The following IQUB variants were observed in gnomAD, a reference collection of about 807,000 sequenced individuals.
The protein encoded by IQUB is IQ motif and ubiquitin-like domain-containing protein.
Under a neutral mutation model 86.4 loss-of-function variants are expected in IQUB, and 86 were observed. The ratio of observed to expected loss-of-function variants is 1.00; its 90% CI spans 0.84 to 1.19. IQUB has a LOEUF of 1.19. IQUB is among the 50% of genes most tolerant of loss of function. The pLI is 0.00. For synonymous variants in IQUB, 289 were observed against 304.5 expected (o/e 0.95, Z 0.53); for missense variants, 946 against 916.9 (o/e 1.03, Z -0.41).
chr7:123,469,105 T>G, intron 9 of IQUB, 109 bp downstream of exon 9: 1 of 784,794 alleles, frequency 1.3e-6, no homozygotes, highest in East Asian at 2.9e-5. Flanking sequence ...CTTCCCAAAT[T>G]ATACCAAAAC....
At chr7:123,469,066 T>C in intron 9 of IQUB, 148 bp downstream of exon 9, 1 of 471,218 alleles carries the variant, frequency 2.1e-6, no homozygotes, top group African/African-American at 2.0e-5. Flanking sequence ...TGAGAACTTT[T>C]AGGTAAATAT....
At position 123,512,318 on chromosome 7, in the gene IQUB, T is replaced by C; in HGVS notation, c.23A>G (p.Tyr8Cys). The C allele has an allele frequency of 6.3e-7, 1 of 1,575,556 alleles. No homozygotes were observed. The highest frequency in any genetic ancestry group is 1.3e-5 in the African/African-American group (1 of 74,090). The change falls in exon 2 of 13, where the codon TAT (tyrosine) becomes TGT (cysteine). Residue 8 changes from tyrosine (Y) to cysteine (C), a missense_variant. Physicochemically the swap from Tyr to Cys is radical, Grantham distance 194 (BLOSUM62 -2). Coordinates refer to ENST00000324698, the MANE Select transcript of IQUB (RefSeq NM_178827.5). MSNQQEK[Y>C]EAQNIVNSTE... is the part of the protein sequence containing the mutation. ...TGAATTGACTATATTCTGAGCTTCA[T>C]ACTTCTCCTGTTGATTAGACATTTT...
chr7:123,467,823 C>T (rs933195597), intron 9 of IQUB, among the ~76,000 whole-genome samples: 1 of 152,176 alleles, frequency 6.6e-6, no homozygotes, highest in Non-Finnish European at 1.5e-5. Flanking sequence ...ATGTTTGCTT[C>T]CTGCCCCTGT....
chr7:123,522,028 C>T lies in IQUB; in HGVS notation c.-4-9684G>A, dbSNP rs141885243. ...ACAACTTCTTGTTGAAAGAAGCAAT[C>T]GGCCATGGGTCTTGAGTGTCCCTAC... On this transcript the variant is annotated intron_variant, in intron 1 of 12. Transcript: ENST00000324698. 3.3e-5 allele frequency among the ~76,000 whole-genome samples: 5 copies of T among 152,204 alleles called. No individual in the cohort carries two copies. The East Asian group carries it at 5.8e-4, about 18-fold the overall frequency.
intron 3 of IQUB, among the ~76,000 whole-genome samples, chr7:123,504,024 G>A (rs1284201897): frequency 6.6e-6 from 1 of 152,048 alleles, no homozygotes; most frequent in Non-Finnish European, 1.5e-5. Flanking sequence ...AAAACGCAAT[G>A]TGTTAACTGT....
intron 3 of IQUB, among the ~76,000 whole-genome samples, chr7:123,508,320 G>T (rs1430518388): frequency 6.6e-6 from 1 of 152,156 alleles, no homozygotes; most frequent in East Asian, 1.9e-4. Context: ...ATTAATTTTG[G>T]ATTTTTTGCC....
At chr7:123,533,069 G>C (rs1234692447) in intron 1 of IQUB, 1 of 152,206 alleles carries the variant, frequency 6.6e-6, no homozygotes, top group South Asian at 2.1e-4. Flanking sequence ...GACTCCCCCA[G>C]TCCTGCCGCC....
intron 10 of IQUB, 51 bp downstream of exon 10, chr7:123,464,782 T>C: frequency 2.4e-6 from 3 of 1,266,736 alleles, no homozygotes; most frequent in Non-Finnish European, 3.2e-6. Flanking sequence ...CAATTTACTA[T>C]ACCACATCTT....
chr7:123,457,666 GAATT>G, intron 11 of IQUB, 100 bp from the exon 12 acceptor site: 1 of 901,774 alleles, frequency 1.1e-6, no homozygotes, highest in Non-Finnish European at 1.7e-6. Flanking sequence ...ATTTTTAAGT[GAATT>G]ATTATTCACT....
chr7:123,476,698 A>C (rs1191434382), intron 8 of IQUB, among the ~76,000 whole-genome samples: 2 of 151,464 alleles, frequency 1.3e-5, no homozygotes, highest in Non-Finnish European at 2.9e-5. Context: ...GGTCGAGCTC[A>C]TGCATACAAG....
intron 10 of IQUB, among the ~76,000 whole-genome samples, chr7:123,463,853 C>T (rs560852983): frequency 5.3e-5 from 8 of 151,666 alleles, no homozygotes; most frequent in African/African-American, 1.7e-4. Context: ...CAAATATAAA[C>T]TGAATAAGTC....
intron 8 of IQUB, among the ~76,000 whole-genome samples, chr7:123,471,385 G>T (rs1225507940): frequency 6.6e-6 from 1 of 152,126 alleles, no homozygotes; most frequent in Non-Finnish European, 1.5e-5. Context: ...TTAAAGGCTA[G>T]GGCTAAGTTT....
In IQUB at chr7:123,452,788, T is replaced by G. The variant is rs1450392294; in HGVS notation, c.2331A>C (p.Ser777=). The G allele has an allele frequency of 6.2e-7, 1 of 1,613,630 alleles. No individual in the cohort carries two copies. Among genetic ancestry groups the G allele is most frequent in the East Asian group, 2.2e-5 (1 of 44,862 alleles). The change falls in exon 13 of 13, where the codon TCA becomes TCC. Residue 777 remains serine (S), a synonymous_variant. Transcript: ENST00000324698. Reference sequence around the variant, plus strand: ...ATTCTATAATCTTAGGTGTTGTGTCTGAGTGATACTTCCATCTGATCTCAT... The same window carrying G: ...ATTCTATAATCTTAGGTGTTGTGTCGGAGTGATACTTCCATCTGATCTCAT... ...EIDEIRWKYH[S]DTTPKIIESQ...
At position 123,503,190 on chromosome 7, in the gene IQUB, C is replaced by A. The variant is rs763289501; in HGVS notation, c.694+12G>T. On this transcript the variant is annotated intron_variant, in intron 4 of 12. Transcript: ENST00000324698. ...CAAAAATACTTTATCTAAAAGACAT[C>A]AAATAACGAACCAGTTTGGACAGTG... 1.1e-4 allele frequency: 179 copies of A among 1,608,446 alleles called. No homozygotes were observed. In the East Asian group the frequency reaches 3.9e-3, roughly 35 times the overall value.
At chr7:123,471,631 T>TC (rs1398711855) in intron 8 of IQUB, among the ~76,000 whole-genome samples, 9 of 145,326 alleles carry the variant, frequency 6.2e-5, no homozygotes, top group African/African-American at 1.0e-4. Context: ...TAACTCTGTT[T>TC]TCCCCCCCAA....
At chr7:123,528,923 A>C (rs182151436) in intron 1 of IQUB, among the ~76,000 whole-genome samples, 407 of 152,314 alleles carry the variant, frequency 2.7e-3, no homozygotes, top group African/African-American at 9.3e-3. Flanking sequence ...ATATGTGTAA[A>C]CTCTCACTGC....
At chr7:123,527,691 T>C (rs1313174029) in intron 1 of IQUB, among the ~76,000 whole-genome samples, 1 of 152,168 alleles carries the variant, frequency 6.6e-6, no homozygotes, top group East Asian at 1.9e-4. Flanking sequence ...TCCAGCTGCG[T>C]GCTGGGAGAA....
chr7:123,524,760 G>T (rs1438033175), intron 1 of IQUB, among the ~76,000 whole-genome samples: 2 of 147,950 alleles, frequency 1.4e-5, no homozygotes, highest in East Asian at 2.0e-4. Context: ...GGTGAGAGAG[G>T]GCATCCCTGT....
chr7:123,479,745 T>C, intron 8 of IQUB, 50 bp downstream of exon 8: 1 of 1,359,774 alleles, frequency 7.4e-7, no homozygotes, highest in Non-Finnish European at 1.0e-6. Context: ...TTATTCTACA[T>C]TTTTTAACTC....
Sources: allele counts gnomAD v4.1 joint callset (sites outside exome capture counted in the v4.1 genomes callset), GRCh38; gene constraint gnomAD v4.1.1; transcripts MANE v1.5; gene names NCBI Gene and HGNC (gene_info 2026-07-23, HGNC 2026-07-21).